The following DOCK2 variants were observed in gnomAD, a reference collection of about 807,000 sequenced individuals.
The protein encoded by DOCK2 is dedicator of cytokinesis protein 2.
Under a neutral mutation model 248.9 loss-of-function variants are expected in DOCK2, and 87 were observed. That is an observed-to-expected ratio of 0.35 (90% confidence interval 0.29 to 0.42). DOCK2 has a LOEUF of 0.42. Among genes scored for constraint, DOCK2 ranks in the 10% least tolerant of loss-of-function variants. The pLI, the probability that DOCK2 is intolerant of heterozygous loss-of-function variation, is 1.00. For synonymous variants in DOCK2, 805 were observed against 821.6 expected, an observed-to-expected ratio of 0.98 and a Z score of 0.35; for missense variants, 1,747 against 2,300.2, an observed-to-expected ratio of 0.76 and a Z score of 4.92.
At chr5:169,928,201 T>C (rs2113673061) in intron 27 of DOCK2, among the ~76,000 whole-genome samples, 1 of 152,226 alleles carries the variant, frequency 6.6e-6, no homozygotes, top group East Asian at 1.9e-4. Flanking sequence ...AAACCAATAT[T>C]GACAGCAGCC....
chr5:169,654,694 T>G (rs879757157), intron 2 of DOCK2, among the ~76,000 whole-genome samples: 1 of 152,252 alleles, frequency 6.6e-6, no homozygotes, highest in Non-Finnish European at 1.5e-5. Context: ...AACTGGGTGG[T>G]TCGATGTTTG....
At chr5:169,845,778 A>T (rs1428149309) in intron 27 of DOCK2, among the ~76,000 whole-genome samples, 1 of 152,208 alleles carries the variant, frequency 6.6e-6, no homozygotes, top group Non-Finnish European at 1.5e-5. Flanking sequence ...TTACAATGCT[A>T]AGAGTGCTGA....
At chr5:169,711,855 GC>G in intron 15 of DOCK2, 79 bp from the exon 16 acceptor site, 1 of 1,480,654 alleles carries the variant, frequency 6.8e-7, no homozygotes. Context: ...TGGTCAGGCT[GC>G]TGTGGAAGTG....
intron 27 of DOCK2, among the ~76,000 whole-genome samples, chr5:169,917,695 C>T (rs1327264874): frequency 6.6e-6 from 1 of 152,120 alleles, no homozygotes. Context: ...GAACATGTCC[C>T]TAGGGTAGGT....
At chr5:169,970,903 C>T (rs1273575703) in intron 27 of DOCK2, among the ~76,000 whole-genome samples, 2 of 151,938 alleles carry the variant, frequency 1.3e-5, no homozygotes, top group African/African-American at 4.8e-5. Flanking sequence ...TCCGAATATA[C>T]GTATGGGAGC....
chr5:169,786,005 A>G (rs1304289492), intron 25 of DOCK2, among the ~76,000 whole-genome samples: 1 of 152,218 alleles, frequency 6.6e-6, no homozygotes, highest in Non-Finnish European at 1.5e-5. Context: ...ACAAATGGGT[A>G]GAGTACAGAG....
At chr5:169,882,844 G>GTCTCT (rs1772738033) in intron 27 of DOCK2, 2 of 1,551,030 alleles carry the variant, frequency 1.3e-6, no homozygotes, top group African/African-American at 2.7e-5. Context: ...CTGACACCCA[G>GTCTCT]GGGCAGATTT....
At chr5:169,754,920 A>ATTTATTTAT (rs1554097250) in intron 23 of DOCK2, among the ~76,000 whole-genome samples, 6 of 141,320 alleles carry the variant, frequency 4.2e-5, no homozygotes, top group East Asian at 4.1e-4. Context: ...CCTATTTTTT[A>ATTTATTTAT]TTATTTATTT....
chr5:169,934,562 C>T (rs1177586517), intron 27 of DOCK2: 1 of 449,018 alleles, frequency 2.2e-6, no homozygotes, highest in Non-Finnish European at 4.5e-6. Flanking sequence ...TTCACACACA[C>T]CTGGATCTAA....
At chr5:170,020,186 C>T (rs546048887) in intron 33 of DOCK2, among the ~76,000 whole-genome samples, 9 of 152,302 alleles carry the variant, frequency 5.9e-5, no homozygotes, top group South Asian at 4.2e-4. Context: ...CCACCATCCC[C>T]GCAGCCCACC....
intron 25 of DOCK2, among the ~76,000 whole-genome samples, chr5:169,790,880 T>C (rs1390102083): frequency 1.3e-5 from 2 of 152,194 alleles, no homozygotes; most frequent in Non-Finnish European, 2.9e-5. Context: ...TCTCCCAACC[T>C]TTAACCCAAA....
At chr5:169,968,548 C>T (rs1777383521) in intron 27 of DOCK2, among the ~76,000 whole-genome samples, 1 of 152,180 alleles carries the variant, frequency 6.6e-6, no homozygotes, top group Non-Finnish European at 1.5e-5. Context: ...TCTTCGACTT[C>T]AGCATGGTAA....
chr5:170,080,222 C>T lies in DOCK2; in HGVS notation c.5226C>T (p.Pro1742=), dbSNP rs202096890. Reference sequence around the variant, plus strand: ...ACCTCTCGGAGCATGCGGCCATCCCCCTCAAGGCGTCTGTCCTCTCTCAAA... The same window carrying T: ...ACCTCTCGGAGCATGCGGCCATCCCTCTCAAGGCGTCTGTCCTCTCTCAAA... ...DTNLSEHAAI[P]LKASVLSQMS... is the part of the protein sequence containing the mutation. Residue 1742 remains proline, a synonymous_variant, in exon 50 of 52, where the codon CCC becomes CCT. Coordinates refer to ENST00000520908, the MANE Select transcript of DOCK2 (RefSeq NM_004946.3). 7.4e-6 allele frequency: 12 copies of T among 1,614,046 alleles called. No individual in the cohort carries two copies. In the African/African-American group the frequency reaches 8.0e-5, roughly 11 times the overall value.
At chr5:170,052,719 C>T (rs1487607764) in intron 41 of DOCK2, among the ~76,000 whole-genome samples, 6 of 152,302 alleles carry the variant, frequency 3.9e-5, no homozygotes, top group Middle Eastern at 3.4e-3. Flanking sequence ...GATTGATGAA[C>T]AGCATTCTCT....
At position 169,710,999 on chromosome 5, in the gene DOCK2, A is replaced by G. The variant is rs181150357; in HGVS notation, c.1483-936A>G. ...AGCACCCCACATGATTGTAGCTTCT[A>G]GTGAACATTCAACACTCAGGGAAAG... On this transcript the variant is annotated intron_variant, in intron 15 of 51. Coordinates refer to ENST00000520908, the MANE Select transcript of DOCK2 (RefSeq NM_004946.3). Among the ~76,000 whole-genome samples, 67 of 152,288 alleles carry G rather than the reference A, an allele frequency of 4.4e-4. No individual in the cohort carries two copies. In the East Asian group the frequency reaches 0.012, roughly 27 times the overall value.
intron 27 of DOCK2, among the ~76,000 whole-genome samples, chr5:169,899,937 T>C (rs1305950902): frequency 6.6e-6 from 1 of 152,228 alleles, no homozygotes; most frequent in Non-Finnish European, 1.5e-5. Context: ...TGATTTTCAG[T>C]TATGTCATTT....
Position 170,008,692 on chromosome 5 carries a change from G to GA in DOCK2, c.3178_3179insA (p.Gly1060GlufsTer13). On this transcript the variant is annotated frameshift_variant, in exon 32 of 52. Transcript: ENST00000520908. LOFTEE classifies it high-confidence loss of function. ...AGAGGTTTTTGTTCCTCCTAGGTAT[G>GA]GGGACATGAGACGGCTAATTGGCTT... is the stretch of plus-strand genomic sequence containing the variant. The GA allele has an allele frequency of 6.2e-7, 1 of 1,614,082 alleles. No homozygotes were observed. Among genetic ancestry groups the GA allele is most frequent in the Non-Finnish European group, 8.5e-7 (1 of 1,179,978 alleles).
chr5:169,775,559 A>G (rs1765337272), intron 25 of DOCK2, among the ~76,000 whole-genome samples: 1 of 152,128 alleles, frequency 6.6e-6, no homozygotes, highest in South Asian at 2.1e-4. Flanking sequence ...TATAATGTTT[A>G]TAGAGTTTTA....
At chr5:169,733,902 C>T (rs1762909099) in intron 22 of DOCK2, among the ~76,000 whole-genome samples, 1 of 152,070 alleles carries the variant, frequency 6.6e-6, no homozygotes, top group Non-Finnish European at 1.5e-5. Flanking sequence ...AGTTAGTTTT[C>T]CTGGATTTGA....
Sources: allele counts gnomAD v4.1 joint callset (sites outside exome capture counted in the v4.1 genomes callset), GRCh38; gene constraint gnomAD v4.1.1; transcripts MANE v1.5; gene names NCBI Gene and HGNC (gene_info 2026-07-23, HGNC 2026-07-21).